CBLB: variants seen among roughly 807,000 people sequenced by gnomAD.
CBLB encodes Cbl proto-oncogene B.
In CBLB, 31 loss-of-function variants were observed where a neutral mutation model predicts 104.9. That is an observed-to-expected ratio of 0.30 (90% confidence interval 0.22 to 0.40). CBLB has a LOEUF of 0.40. Ranked by LOEUF, CBLB falls within the 10% of genes least tolerant of loss-of-function variation. The probability of loss-of-function intolerance (pLI) is 1.00; values close to 1 mark genes in which losing one functional copy is unlikely to be tolerated. For synonymous variants in CBLB, 440 were observed against 422.6 expected (o/e 1.04, Z -0.51); for missense variants, 1,062 against 1,214.6 (o/e 0.87, Z 1.87).
chr3:105,800,851 C>A (rs1212455141), intron 3 of CBLB, among the ~76,000 whole-genome samples: 1 of 152,064 alleles, frequency 6.6e-6, no homozygotes, highest in Non-Finnish European at 1.5e-5. Context: ...CTGGGTTTTA[C>A]CAAACTGCTA....
intron 5 of CBLB, among the ~76,000 whole-genome samples, chr3:105,748,365 T>C (rs1325971452): frequency 6.6e-6 from 1 of 152,186 alleles, no homozygotes; most frequent in Non-Finnish European, 1.5e-5. Context: ...AGGACTTTCC[T>C]CTTCTTTGAT....
intron 18 of CBLB, among the ~76,000 whole-genome samples, chr3:105,660,645 G>C (rs551408736): frequency 4.6e-5 from 7 of 152,232 alleles, no homozygotes; most frequent in African/African-American, 1.7e-4. Flanking sequence ...GGTGATGTGA[G>C]GTTAAAAGCC....
chr3:105,800,111 A>C (rs1473480428), intron 3 of CBLB, among the ~76,000 whole-genome samples: 5 of 152,156 alleles, frequency 3.3e-5, no homozygotes, highest in Admixed American at 3.3e-4. Context: ...CAAGTCACCT[A>C]ATCTCTTTGG....
At chr3:105,733,515 T>C (rs1334570961) in intron 9 of CBLB, among the ~76,000 whole-genome samples, 1 of 152,224 alleles carries the variant, frequency 6.6e-6, no homozygotes, top group African/African-American at 2.4e-5. Context: ...TTAATGCCTG[T>C]TTCTGTGGGA....
In CBLB at chr3:105,659,136, G is replaced by A. The variant is rs368287315; in HGVS notation, c.2783C>T (p.Ala928Val). 30 of 1,613,888 alleles carry A rather than the reference G, an allele frequency of 1.9e-5. No individual in the cohort carries two copies. The highest frequency in any genetic ancestry group is 2.5e-5 in the Non-Finnish European group (30 of 1,179,948). ...AATTTTTGCATCGACATTTTCCAAT[G>A]CCGCCTCAGGCCCATGGGGTTTTCT... Reference protein sequence around the residue: ...HHRKPHGPEAALENVDAKIAK... With the variant: ...HHRKPHGPEAVLENVDAKIAK... The change falls in exon 19 of 19, where the codon GCA (alanine) becomes GTA (valine). Residue 928 changes from alanine (A) to valine (V), a missense_variant. Ala to Val is a moderately conservative substitution (Grantham distance 64). This residue lies in a region of CBLB where 605 missense variants were observed against 582.6 expected (regional missense o/e 1.04). Transcript: ENST00000394030.
chr3:105,841,034 C>G lies in CBLB; in HGVS notation c.419+12380G>C, dbSNP rs530599011. On this transcript the variant is annotated intron_variant, in intron 3 of 18. Transcript: ENST00000394030. ...GTAGGCCAAGCACAGTGGCTCATGC[C>G]TGTAAGCCCAGCACTTTGGGAGGCC... Among the ~76,000 whole-genome samples the G allele has an allele frequency of 5.3e-5, 8 of 152,194 alleles. No individual in the cohort carries two copies. The East Asian group carries it at 1.5e-3, about 29-fold the overall frequency.
At chr3:105,820,464 A>C (rs1163901638) in intron 3 of CBLB, among the ~76,000 whole-genome samples, 1 of 152,206 alleles carries the variant, frequency 6.6e-6, no homozygotes, top group Non-Finnish European at 1.5e-5. Flanking sequence ...ACATTTACTT[A>C]GAATCTAAGA....
intron 11 of CBLB, 24 bp from the exon 12 acceptor site, chr3:105,702,483 A>AAG: frequency 1.4e-6 from 2 of 1,463,464 alleles, no homozygotes; most frequent in Non-Finnish European, 1.8e-6. Flanking sequence ...AGAGAAAAAA[A>AAG]AAAAAAAAAA....
intron 9 of CBLB, among the ~76,000 whole-genome samples, chr3:105,732,567 T>G (rs574753557): frequency 3.3e-5 from 5 of 151,358 alleles, no homozygotes; most frequent in Non-Finnish European, 7.4e-5. Flanking sequence ...AGAAAGGACT[T>G]TGAAAATATA....
intron 3 of CBLB, among the ~76,000 whole-genome samples, chr3:105,793,486 A>AAC (rs1373127682): frequency 2.3e-3 from 1 of 428 alleles, no homozygotes; most frequent in Non-Finnish European, 0.025. Flanking sequence ...ATGTTTAACA[A>AAC]AAAAAAAAAA....
At chr3:105,860,053 C>A (rs1480507874) in intron 2 of CBLB, among the ~76,000 whole-genome samples, 1 of 152,202 alleles carries the variant, frequency 6.6e-6, no homozygotes, top group Non-Finnish European at 1.5e-5. Context: ...CATTAAAGAA[C>A]TGACTAGTTG....
At chr3:105,678,131 T>C (rs193230831) in intron 17 of CBLB, among the ~76,000 whole-genome samples, 180 of 152,304 alleles carry the variant, frequency 1.2e-3, no homozygotes, top group African/African-American at 4.2e-3. Context: ...CCTAACCCCT[T>C]AGCAGTTCTG....
At chr3:105,713,713 T>A (rs972164465) in intron 10 of CBLB, among the ~76,000 whole-genome samples, 1 of 152,172 alleles carries the variant, frequency 6.6e-6, no homozygotes, top group Non-Finnish European at 1.5e-5. Context: ...TTTTAGAAGA[T>A]CAGTAAACAG....
intron 4 of CBLB, among the ~76,000 whole-genome samples, chr3:105,752,360 C>T (rs1006630562): frequency 6.6e-6 from 1 of 152,118 alleles, no homozygotes; most frequent in South Asian, 2.1e-4. Flanking sequence ...CTATCCCCAC[C>T]TGACCAGTTT....
At chr3:105,674,652 T>C (rs2065408985) in intron 17 of CBLB, among the ~76,000 whole-genome samples, 1 of 152,214 alleles carries the variant, frequency 6.6e-6, no homozygotes, top group African/African-American at 2.4e-5. Flanking sequence ...GGGTGTCTAC[T>C]TCAATCTACC....
At chr3:105,736,058 T>C (rs1250648244) in intron 8 of CBLB, among the ~76,000 whole-genome samples, 2 of 152,206 alleles carry the variant, frequency 1.3e-5, no homozygotes, top group Non-Finnish European at 2.9e-5. Flanking sequence ...AAAGGAAATC[T>C]GGAGAATTAT....
At chr3:105,866,425 C>T (rs180955046) in intron 2 of CBLB, among the ~76,000 whole-genome samples, 109 of 152,212 alleles carry the variant, frequency 7.2e-4, no homozygotes, top group African/African-American at 2.6e-3. Context: ...ACCTCCATTT[C>T]TTCAGTTATA....
intron 3 of CBLB, among the ~76,000 whole-genome samples, chr3:105,810,612 T>C (rs947915608): frequency 2.0e-5 from 3 of 152,142 alleles, no homozygotes; most frequent in Non-Finnish European, 1.5e-5. Flanking sequence ...TTATGTCCAA[T>C]GATAGATAAC....
At chr3:105,680,101 C>A (rs1263546167) in intron 16 of CBLB, among the ~76,000 whole-genome samples, 1 of 151,988 alleles carries the variant, frequency 6.6e-6, no homozygotes, top group African/African-American at 2.4e-5. Flanking sequence ...TTTTATTGGT[C>A]CCATAAAAGA....
Sources: gnomAD v4.1 joint callset for allele counts (sites outside exome capture counted in the v4.1 genomes callset) on GRCh38, gnomAD v4.1.1 for gene constraint, gnomAD v4.1.1 regional missense constraint, MANE v1.5 for transcripts, NCBI Gene and HGNC (gene_info 2026-07-23, HGNC 2026-07-21) for gene names.